DSCAM: variants seen among roughly 807,000 people sequenced by gnomAD.
The protein encoded by DSCAM is cell adhesion molecule DSCAM.
DSCAM carries 47 observed loss-of-function variants against 217.7 expected under a neutral mutation model. The observed-to-expected ratio is 0.22, with a 90% confidence interval of 0.17 to 0.28. The LOEUF (loss-of-function observed/expected upper bound fraction) is 0.28, where lower values mean the gene tolerates loss of function less well. DSCAM is among the 10% of genes least tolerant of loss of function. DSCAM has a pLI of 1.00. For missense variants in DSCAM, 2,080 were observed against 2,618.3 expected, an observed-to-expected ratio of 0.79 and a Z score of 4.49; for synonymous variants, 1,056 against 1,015.3, an observed-to-expected ratio of 1.04 and a Z score of -0.76.
chr21:40,208,892 C>T (rs986808715), intron 11 of DSCAM, among the ~76,000 whole-genome samples: 3 of 152,146 alleles, frequency 2.0e-5, no homozygotes, highest in Admixed American at 2.0e-4. Context: ...GAAATTTTTG[C>T]TGGCAATAGG....
At chr21:40,831,903 T>C (rs1251724626) in intron 1 of DSCAM, among the ~76,000 whole-genome samples, 1 of 152,218 alleles carries the variant, frequency 6.6e-6, no homozygotes, top group East Asian at 1.9e-4. Flanking sequence ...CCAAAACAAC[T>C]CTTTAAAGAA....
intron 1 of DSCAM, among the ~76,000 whole-genome samples, chr21:40,753,538 C>T (rs999459901): frequency 3.3e-5 from 5 of 152,152 alleles, no homozygotes; most frequent in Non-Finnish European, 5.9e-5. Flanking sequence ...TGATTTTAAA[C>T]CACACACATT....
intron 3 of DSCAM, among the ~76,000 whole-genome samples, chr21:40,589,179 T>G (rs892405259): frequency 1.3e-5 from 2 of 152,218 alleles, no homozygotes; most frequent in African/African-American, 2.4e-5. Context: ...CAACCCACCC[T>G]GCAGCTCTCA....
At chr21:40,814,480 C>T (rs1569049754) in intron 1 of DSCAM, among the ~76,000 whole-genome samples, 2 of 152,302 alleles carry the variant, frequency 1.3e-5, no homozygotes, top group East Asian at 1.9e-4. Context: ...AGAAATACTG[C>T]TTCTTTCTAA....
At chr21:40,394,660 T>C (rs2075162727) in intron 3 of DSCAM, among the ~76,000 whole-genome samples, 1 of 151,966 alleles carries the variant, frequency 6.6e-6, no homozygotes, top group Admixed American at 6.5e-5. Flanking sequence ...TACAGAAGAG[T>C]GAGAAAATTC....
chr21:40,052,426 A>C (rs971179816), intron 29 of DSCAM, among the ~76,000 whole-genome samples: 2 of 152,064 alleles, frequency 1.3e-5, no homozygotes, highest in Non-Finnish European at 2.9e-5. Context: ...CTCTGGATTT[A>C]TGTGTTTGTC....
intron 16 of DSCAM, among the ~76,000 whole-genome samples, chr21:40,162,061 G>A (rs942053754): frequency 6.6e-6 from 1 of 152,142 alleles, no homozygotes; most frequent in African/African-American, 2.4e-5. Context: ...AATAGTAAAG[G>A]GAGTTAATAT....
chr21:40,437,194 G>C (rs964968283), intron 3 of DSCAM, among the ~76,000 whole-genome samples: 5 of 152,136 alleles, frequency 3.3e-5, no homozygotes, highest in Non-Finnish European at 7.4e-5. Flanking sequence ...TCTTCAGAAG[G>C]GGTGTAGACA....
At chr21:40,621,857 C>G (rs988383603) in intron 3 of DSCAM, among the ~76,000 whole-genome samples, 7 of 122,748 alleles carry the variant, frequency 5.7e-5, no homozygotes, top group African/African-American at 2.2e-4. Context: ...TGAACTGGCA[C>G]TGAATGAGGT....
chr21:40,656,601 C>T (rs1306386566), intron 3 of DSCAM, among the ~76,000 whole-genome samples: 1 of 152,088 alleles, frequency 6.6e-6, no homozygotes, highest in Non-Finnish European at 1.5e-5. Flanking sequence ...CATTTTTGTG[C>T]CTTCTCCATC....
At chr21:40,117,972 T>C (rs976287490) in intron 20 of DSCAM, among the ~76,000 whole-genome samples, 17 of 142,496 alleles carry the variant, frequency 1.2e-4, no homozygotes, top group East Asian at 8.1e-4. Flanking sequence ...CACACACACA[T>C]ACACACACGT....
chr21:40,049,832 C>A (rs1023740174), intron 30 of DSCAM, among the ~76,000 whole-genome samples: 15 of 152,150 alleles, frequency 9.9e-5, no homozygotes, highest in Admixed American at 9.2e-4. Flanking sequence ...ATTTTACATG[C>A]CAACAAATCA....
chr21:40,073,907 G>A (rs988397408), intron 27 of DSCAM, among the ~76,000 whole-genome samples: 3 of 152,184 alleles, frequency 2.0e-5, no homozygotes, highest in Non-Finnish European at 2.9e-5. Flanking sequence ...TGGGCTGCAG[G>A]AGATTTACAT....
Position 40,270,875 on chromosome 21 carries a change from G to C in DSCAM, c.2356+5222C>G, listed in dbSNP as rs114720228. Among the ~76,000 whole-genome samples the C allele has an allele frequency of 9.8e-4, 150 of 152,336 alleles. 2 individuals are homozygous for C. Among genetic ancestry groups the C allele is most frequent in the African/African-American group, 3.1e-3 (127 of 41,580 alleles). ...TAATTAGGGGTTAGGATAAAGATTT[G>C]TGGGTACTGGTGGCAGTGGGTGAGG... On this transcript the variant is annotated intron_variant, in intron 11 of 32. Coordinates refer to ENST00000400454, the MANE Select transcript of DSCAM (RefSeq NM_001389.5).
chr21:40,325,216 A>G (rs1175125309), intron 8 of DSCAM, among the ~76,000 whole-genome samples: 2 of 152,164 alleles, frequency 1.3e-5, no homozygotes, highest in Non-Finnish European at 1.5e-5. Context: ...TAGTCAATAT[A>G]TTTCACAGAA....
chr21:40,188,104 A>ACACT (rs2090914766), intron 12 of DSCAM, 117 bp from the exon 13 acceptor site: 1 of 648,652 alleles, frequency 1.5e-6, no homozygotes, highest in African/African-American at 2.1e-5. Context: ...ACACATAGGT[A>ACACT]CACTCACACA....
chr21:40,465,804 G>A (rs2075840079), intron 3 of DSCAM, among the ~76,000 whole-genome samples: 1 of 151,852 alleles, frequency 6.6e-6, no homozygotes, highest in Non-Finnish European at 1.5e-5. Context: ...TGCCATTACA[G>A]CTTACTCTTG....
At chr21:40,033,807 C>T (rs1210754969) in intron 32 of DSCAM, among the ~76,000 whole-genome samples, 5 of 150,384 alleles carry the variant, frequency 3.3e-5, no homozygotes, top group Non-Finnish European at 5.9e-5. Flanking sequence ...GAGCAGTGGT[C>T]CTCCCAGTAC....
intron 26 of DSCAM, among the ~76,000 whole-genome samples, chr21:40,075,562 A>G (rs1037261831): frequency 2.6e-5 from 4 of 152,226 alleles, no homozygotes; most frequent in African/African-American, 9.6e-5. Context: ...CCACAGTACA[A>G]TTGATAGAGA....
Sources: allele counts gnomAD v4.1 joint callset (sites outside exome capture counted in the v4.1 genomes callset), GRCh38; gene constraint gnomAD v4.1.1; transcripts MANE v1.5; gene names NCBI Gene and HGNC (gene_info 2026-07-23, HGNC 2026-07-21).